RFX3: variants seen among roughly 807,000 people sequenced by gnomAD.
RFX3 encodes transcription factor RFX3.
In RFX3, 14 loss-of-function variants were observed where a neutral mutation model predicts 98.6. That is an observed-to-expected ratio of 0.14 (90% CI 0.09 to 0.22). The LOEUF (loss-of-function observed/expected upper bound fraction) is 0.22. Among genes scored for constraint, RFX3 ranks in the 10% least tolerant of loss-of-function variants. The probability of loss-of-function intolerance (pLI) is 1.00; values close to 1 mark genes in which losing one functional copy is unlikely to be tolerated. For missense variants in RFX3, 639 were observed against 926.9 expected (o/e 0.69, Z 4.03); for synonymous variants, 383 against 328.4 (o/e 1.17, Z -1.80).
At chr9:3,481,334 T>C (rs1587820602) in intron 1 of RFX3, among the ~76,000 whole-genome samples, 1 of 152,260 alleles carries the variant, frequency 6.6e-6, no homozygotes, top group Middle Eastern at 3.4e-3. Flanking sequence ...TAATGCAACG[T>C]TGTTCAAATA....
chr9:3,263,603 G>A (rs776850741), intron 12 of RFX3, among the ~76,000 whole-genome samples: 3 of 152,134 alleles, frequency 2.0e-5, no homozygotes, highest in Admixed American at 6.5e-5. Context: ...TTATTTTATA[G>A]AAACGAGTAA....
intron 14 of RFX3, among the ~76,000 whole-genome samples, chr9:3,256,601 T>G (rs1822178368): frequency 6.6e-6 from 1 of 152,156 alleles, no homozygotes; most frequent in East Asian, 1.9e-4. Context: ...TGAACATCAC[T>G]AAACAGAGAA....
intron 1 of RFX3, chr9:3,490,138 G>C (rs573662175): frequency 6.1e-6 from 1 of 164,418 alleles, no homozygotes; most frequent in African/African-American, 2.4e-5. Context: ...CAACCATCAA[G>C]AAAGGAAAAA....
intron 1 of RFX3, among the ~76,000 whole-genome samples, chr9:3,462,906 G>A (rs34708788): frequency 0.17 from 25,418 of 151,914 alleles, 3,224 homozygotes; most frequent in African/African-American, 0.35. Context: ...CACTGGTAAG[G>A]GAAATTAAAG....
At chr9:3,280,288 C>T (rs1202513887) in intron 7 of RFX3, among the ~76,000 whole-genome samples, 1 of 151,794 alleles carries the variant, frequency 6.6e-6, no homozygotes, top group Admixed American at 6.6e-5. Flanking sequence ...TGGAATACAG[C>T]TCATGTACAA....
At chr9:3,421,321 T>A (rs1436243047) in intron 1 of RFX3, among the ~76,000 whole-genome samples, 1 of 152,182 alleles carries the variant, frequency 6.6e-6, no homozygotes, top group African/African-American at 2.4e-5. Flanking sequence ...GAAACCCCTA[T>A]TGATTAAATG....
chr9:3,350,856 T>C (rs529472975), intron 2 of RFX3, among the ~76,000 whole-genome samples: 1 of 152,050 alleles, frequency 6.6e-6, no homozygotes, highest in African/African-American at 2.4e-5. Context: ...GGTTACATAC[T>C]GTAGGATTTC....
At chr9:3,524,512 T>C (rs1819018355) in intron 1 of RFX3, 3 of 982,820 alleles carry the variant, frequency 3.1e-6, no homozygotes, top group Non-Finnish European at 3.6e-6. Context: ...ACATTCTTTA[T>C]GAACTTGACT....
chr9:3,392,364 A>C (rs1245964257), intron 2 of RFX3, among the ~76,000 whole-genome samples: 1 of 152,050 alleles, frequency 6.6e-6, no homozygotes, highest in East Asian at 1.9e-4. Flanking sequence ...TATCTTCAGA[A>C]AGGTAAAAGA....
intron 3 of RFX3, among the ~76,000 whole-genome samples, chr9:3,344,512 A>G (rs1489770823): frequency 6.6e-6 from 1 of 152,102 alleles, no homozygotes; most frequent in Non-Finnish European, 1.5e-5. Flanking sequence ...TACATAACAG[A>G]CTAATCTCTC....
chr9:3,264,403 G>T (rs544407732), intron 12 of RFX3, among the ~76,000 whole-genome samples: 128 of 152,162 alleles, frequency 8.4e-4, no homozygotes, highest in Middle Eastern at 3.4e-3. Context: ...AGCGGTAGAG[G>T]GTGTTCACAG....
intron 4 of RFX3, among the ~76,000 whole-genome samples, chr9:3,315,634 T>G (rs902587170): frequency 3.3e-5 from 5 of 152,026 alleles, no homozygotes; most frequent in East Asian, 1.9e-4. Context: ...CTAGCAAGAC[T>G]AATAAAGAAG....
intron 13 of RFX3, among the ~76,000 whole-genome samples, chr9:3,260,912 C>A (rs987232925): frequency 1.3e-5 from 2 of 149,868 alleles, no homozygotes; most frequent in Admixed American, 6.7e-5. Flanking sequence ...AGATCTCTCT[C>A]TCTATATATA....
intron 1 of RFX3, chr9:3,488,959 G>A (rs1292220154): frequency 2.4e-6 from 2 of 833,432 alleles, no homozygotes; most frequent in African/African-American, 3.7e-5. Flanking sequence ...AAGACTGATG[G>A]ATTCTATTTC....
At chr9:3,380,822 T>C (rs1324854202) in intron 2 of RFX3, among the ~76,000 whole-genome samples, 1 of 152,180 alleles carries the variant, frequency 6.6e-6, no homozygotes, top group African/African-American at 2.4e-5. Flanking sequence ...TTAAGAACCA[T>C]CTAATTAATT....
intron 1 of RFX3, among the ~76,000 whole-genome samples, chr9:3,469,854 A>C (rs915253334): frequency 6.6e-5 from 10 of 152,008 alleles, no homozygotes; most frequent in Non-Finnish European, 1.0e-4. Context: ...TCAAAAAAAA[A>C]AAAAAAAATT....
At chr9:3,393,999 T>C (rs1216761454) in intron 2 of RFX3, among the ~76,000 whole-genome samples, 1 of 152,100 alleles carries the variant, frequency 6.6e-6, no homozygotes, top group African/African-American at 2.4e-5. Context: ...AGAGAGAATA[T>C]GCTTAAAAGA....
chr9:3,240,101 C>T (rs927263957), intron 15 of RFX3, among the ~76,000 whole-genome samples: 6 of 152,210 alleles, frequency 3.9e-5, no homozygotes, highest in Non-Finnish European at 7.3e-5. Flanking sequence ...GCTGGCGACA[C>T]GGGCTGGCTA....
intron 15 of RFX3, among the ~76,000 whole-genome samples, chr9:3,229,553 G>A (rs1488777683): frequency 1.3e-5 from 2 of 152,156 alleles, no homozygotes; most frequent in Non-Finnish European, 2.9e-5. Context: ...CTAACTTTTA[G>A]TTCAATAGTT....
Sources: gnomAD v4.1 joint callset for allele counts (sites outside exome capture counted in the v4.1 genomes callset) on GRCh38, gnomAD v4.1.1 for gene constraint, MANE v1.5 for transcripts, NCBI Gene and HGNC (gene_info 2026-07-23, HGNC 2026-07-21) for gene names.